NRXN1: variants seen among roughly 807,000 people sequenced by gnomAD.
NRXN1 encodes neurexin-1.
A neutral mutation model predicts 150.9 loss-of-function variants in NRXN1; 39 were observed. The ratio of observed to expected loss-of-function variants is 0.26; its 90% confidence interval spans 0.20 to 0.34. The LOEUF (loss-of-function observed/expected upper bound fraction) is 0.34. Among genes scored for constraint, NRXN1 ranks in the 10% least tolerant of loss-of-function variants. NRXN1 has a pLI of 1.00. For synonymous variants in NRXN1, 924 were observed against 757.0 expected, an observed-to-expected ratio of 1.22 and a Z score of -3.62; for missense variants, 1,815 against 1,949.9, an observed-to-expected ratio of 0.93 and a Z score of 1.30.
chr2:50,762,122 T>C (rs1439131519), intron 5 of NRXN1, among the ~76,000 whole-genome samples: 2 of 145,840 alleles, frequency 1.4e-5, no homozygotes, highest in Admixed American at 6.9e-5. Context: ...TATATGTGTA[T>C]ACACACACAC....
intron 5 of NRXN1, among the ~76,000 whole-genome samples, chr2:50,899,296 T>C (rs893743716): frequency 1.3e-5 from 2 of 152,142 alleles, no homozygotes; most frequent in Admixed American, 6.5e-5. Flanking sequence ...TGCAGTACAA[T>C]TGAAAACGTT....
At chr2:50,086,580 C>G (rs1698798390) in intron 19 of NRXN1, among the ~76,000 whole-genome samples, 1 of 152,148 alleles carries the variant, frequency 6.6e-6, no homozygotes, top group Non-Finnish European at 1.5e-5. Flanking sequence ...AGTAATCAAA[C>G]TCGGCATTTT....
Position 49,958,601 on chromosome 2 carries a change from T to C in NRXN1, c.4129-14810A>G, listed in dbSNP as rs559470529. ...AAGAAAGAAACCTATTCAACATAAA[T>C]ATACCTTTTATCATCATGCGAACTT... On this transcript the variant is annotated intron_variant, in intron 21 of 22. Transcript: ENST00000401669. Among the ~76,000 whole-genome samples the C allele has an allele frequency of 7.9e-5, 12 of 152,302 alleles. 1 individual carries two copies. The South Asian group carries it at 2.5e-3, about 32-fold the overall frequency.
chr2:50,020,984 G>T (rs774999174), intron 21 of NRXN1, among the ~76,000 whole-genome samples: 9 of 152,138 alleles, frequency 5.9e-5, no homozygotes, highest in Non-Finnish European at 1.2e-4. Context: ...AAACAAGTTA[G>T]CAATGGTAAA....
chr2:50,963,892 A>C, intron 2 of NRXN1: 1 of 344,980 alleles, frequency 2.9e-6, no homozygotes. Context: ...CAACTCAATA[A>C]ATATTTGTTT....
chr2:50,186,216 C>T (rs1238283371), intron 18 of NRXN1, among the ~76,000 whole-genome samples: 1 of 152,024 alleles, frequency 6.6e-6, no homozygotes, highest in Non-Finnish European at 1.5e-5. Flanking sequence ...CAATACCATC[C>T]TTTTCTGTAA....
chr2:50,821,193 A>T (rs1669666812), intron 5 of NRXN1, among the ~76,000 whole-genome samples: 1 of 152,192 alleles, frequency 6.6e-6, no homozygotes, highest in Non-Finnish European at 1.5e-5. Context: ...AGCTTGTCCA[A>T]CCCACGGCCC....
intron 17 of NRXN1, among the ~76,000 whole-genome samples, chr2:50,281,471 A>G (rs1284379260): frequency 6.6e-6 from 1 of 152,060 alleles, no homozygotes; most frequent in East Asian, 1.9e-4. Flanking sequence ...CCTTTCCATA[A>G]CTATAATAAA....
intron 15 of NRXN1, among the ~76,000 whole-genome samples, chr2:50,486,240 A>G (rs964587557): frequency 2.0e-5 from 3 of 152,206 alleles, no homozygotes; most frequent in Non-Finnish European, 2.9e-5. Context: ...ATAGGCATGC[A>G]TAAATGACAT....
intron 8 of NRXN1, among the ~76,000 whole-genome samples, chr2:50,618,466 T>C (rs919134069): frequency 6.6e-6 from 1 of 152,108 alleles, no homozygotes; most frequent in Non-Finnish European, 1.5e-5. Context: ...TGTTTTAGTT[T>C]GTAACAAATT....
At chr2:50,169,669 G>A (rs553159612) in intron 18 of NRXN1, among the ~76,000 whole-genome samples, 5 of 142,610 alleles carry the variant, frequency 3.5e-5, no homozygotes, top group South Asian at 2.2e-4. Flanking sequence ...CGGAGAATGC[G>A]CCACTGCACT....
Position 51,027,474 on chromosome 2 carries a change from C to T in NRXN1, c.772+28G>A, listed in dbSNP as rs764473036. On this transcript the variant is annotated intron_variant, in intron 2 of 22. Transcript: ENST00000401669. ...TCCCCGAGCCCCGCCCAGGCCCCGGCCCCCGTGGGTCGGGCGTCGGGCCTT... is the reference window on the plus strand; with the variant it reads ...TCCCCGAGCCCCGCCCAGGCCCCGGTCCCCGTGGGTCGGGCGTCGGGCCTT... The T allele has an allele frequency of 1.0e-5, 15 of 1,488,446 alleles. No individual in the cohort carries two copies. In the East Asian group the frequency reaches 2.6e-4, roughly 26 times the overall value. The allele number at this position is 1,488,446 out of a possible 1,614,324, so 92.2% of individuals were successfully genotyped here. A position where few individuals can be genotyped will look rare whatever the true frequency, so the allele number is the denominator to read the frequency against.
At chr2:50,456,020 A>G (rs1458701938) in intron 17 of NRXN1, among the ~76,000 whole-genome samples, 1 of 152,126 alleles carries the variant, frequency 6.6e-6, no homozygotes, top group East Asian at 1.9e-4. Flanking sequence ...GAGTGAAGAA[A>G]CCAAGAAAAA....
chr2:50,911,301 A>G (rs1254095356), intron 5 of NRXN1, among the ~76,000 whole-genome samples: 1 of 151,826 alleles, frequency 6.6e-6, no homozygotes, highest in Non-Finnish European at 1.5e-5. Flanking sequence ...TTGTCCCCAT[A>G]GGAGCTTGAC....
intron 17 of NRXN1, among the ~76,000 whole-genome samples, chr2:50,380,755 C>A (rs1437727591): frequency 6.6e-6 from 1 of 152,096 alleles, no homozygotes; most frequent in Non-Finnish European, 1.5e-5. Flanking sequence ...CGTTATAGTG[C>A]AGTACTGTTA....
chr2:50,819,238 C>T (rs1012606922), intron 5 of NRXN1, among the ~76,000 whole-genome samples: 1 of 152,116 alleles, frequency 6.6e-6, no homozygotes, highest in African/African-American at 2.4e-5. Context: ...CTTCTGTGTT[C>T]GTTGCAGCAT....
intron 20 of NRXN1, 137 bp from the exon 21 acceptor site, chr2:50,053,727 T>C: frequency 1.2e-6 from 1 of 850,948 alleles, no homozygotes; most frequent in East Asian, 2.7e-5. Flanking sequence ...TCATAATTCA[T>C]TGCTTATAAA....
intron 17 of NRXN1, among the ~76,000 whole-genome samples, chr2:50,407,047 C>G (rs184375635): frequency 6.6e-6 from 1 of 152,112 alleles, no homozygotes; most frequent in Non-Finnish European, 1.5e-5. Flanking sequence ...AAATTTCCTA[C>G]AGACTCATGA....
intron 15 of NRXN1, among the ~76,000 whole-genome samples, 191 bp downstream of exon 15, chr2:50,495,714 A>T (rs1045330613): frequency 1.3e-5 from 2 of 151,554 alleles, no homozygotes; most frequent in African/African-American, 4.9e-5. Context: ...AGCTGTTATT[A>T]AAAATACATA....
Sources: allele counts gnomAD v4.1 joint callset (sites outside exome capture counted in the v4.1 genomes callset), GRCh38; gene constraint gnomAD v4.1.1; transcripts MANE v1.5; gene names NCBI Gene and HGNC (gene_info 2026-07-23, HGNC 2026-07-21).